The following EFCAB11 variants were observed in gnomAD, a reference collection of about 807,000 sequenced individuals.
EFCAB11 encodes EF-hand calcium-binding domain-containing protein 11.
Under a neutral mutation model 23.0 loss-of-function variants are expected in EFCAB11, and 14 were observed. That is an observed-to-expected ratio of 0.61 (90% CI 0.40 to 0.95). The LOEUF is 0.95. Among genes scored for constraint, EFCAB11 ranks in the 40% least tolerant of loss-of-function variants. EFCAB11 has a pLI of 0.00. For missense variants in EFCAB11, 198 were observed against 195.8 expected (o/e 1.01, Z -0.07); for synonymous variants, 65 against 66.6 (o/e 0.98, Z 0.11).
At chr14:89,932,317 T>C (rs1391019775) in intron 4 of EFCAB11, among the ~76,000 whole-genome samples, 1 of 152,168 alleles carries the variant, frequency 6.6e-6, no homozygotes, top group Non-Finnish European at 1.5e-5. Flanking sequence ...AGTACAACTA[T>C]ATAACTGTAA....
intron 5 of EFCAB11, among the ~76,000 whole-genome samples, chr14:89,917,092 G>A (rs1458791403): frequency 8.7e-6 from 1 of 114,806 alleles, no homozygotes; most frequent in Non-Finnish European, 1.6e-5. Flanking sequence ...GTGTGTGTGT[G>A]TGTGTATGTG....
chr14:89,885,427 C>G (rs1371426296), intron 5 of EFCAB11, among the ~76,000 whole-genome samples: 2 of 152,006 alleles, frequency 1.3e-5, no homozygotes, highest in African/African-American at 2.4e-5. Context: ...GCCTGTAATC[C>G]CAGCACTTTG....
At chr14:89,834,391 A>C (rs796121016) in intron 5 of EFCAB11, among the ~76,000 whole-genome samples, 9 of 149,876 alleles carry the variant, frequency 6.0e-5, no homozygotes, top group East Asian at 1.9e-4. Flanking sequence ...AAAAAAAAAA[A>C]AAAAAAAAAA....
chr14:89,948,660 A>G (rs1891059251), intron 3 of EFCAB11, among the ~76,000 whole-genome samples: 1 of 152,246 alleles, frequency 6.6e-6, no homozygotes, highest in Non-Finnish European at 1.5e-5. Flanking sequence ...TCAGCAATAA[A>G]AAAGAATGAG....
chr14:89,914,639 C>T (rs935835519), intron 5 of EFCAB11, among the ~76,000 whole-genome samples: 4 of 151,838 alleles, frequency 2.6e-5, no homozygotes, highest in African/African-American at 9.7e-5. Context: ...ACAAAAATTA[C>T]CCGGGCATGG....
chr14:89,921,402 G>C (rs1015317963), intron 5 of EFCAB11, among the ~76,000 whole-genome samples: 3 of 152,120 alleles, frequency 2.0e-5, no homozygotes, highest in Non-Finnish European at 4.4e-5. Context: ...TTGAAGTTAG[G>C]AAGTAACATA....
rs549457888 is a variant in EFCAB11, at chr14:89,834,171, T to C, written c.411-36847A>G. On this transcript the variant is annotated intron_variant, in intron 5 of 5. Coordinates refer to ENST00000316738, the MANE Select transcript of EFCAB11 (RefSeq NM_145231.4). Reference sequence around the variant, plus strand: ...AGATAGAGACCACAAGGTCAGGAGATAGAAACCATCCTGGCCGACGTGGTG... The same window carrying C: ...AGATAGAGACCACAAGGTCAGGAGACAGAAACCATCCTGGCCGACGTGGTG... Among the ~76,000 whole-genome samples the C allele has an allele frequency of 1.3e-3, 202 of 151,536 alleles. 1 individual carries two copies. Among genetic ancestry groups the C allele is most frequent in the African/African-American group, 4.8e-3 (198 of 41,352 alleles).
At chr14:89,944,178 G>A (rs1405786974) in intron 3 of EFCAB11, among the ~76,000 whole-genome samples, 1 of 152,184 alleles carries the variant, frequency 6.6e-6, no homozygotes, top group East Asian at 1.9e-4. Flanking sequence ...CACACGGCTG[G>A]GGAGCCCCCA....
At chr14:89,871,523 A>C (rs991332945) in intron 5 of EFCAB11, among the ~76,000 whole-genome samples, 4 of 152,118 alleles carry the variant, frequency 2.6e-5, no homozygotes, top group Admixed American at 6.6e-5. Flanking sequence ...CTGTGAATCC[A>C]CTGCAAGTCC....
At position 89,865,368 on chromosome 14, in the gene EFCAB11, C is replaced by T. The variant is rs191796842; in HGVS notation, c.410+66173G>A. 2.5e-3 allele frequency among the ~76,000 whole-genome samples: 377 copies of T among 152,156 alleles called. 1 individual carries two copies. The highest frequency in any genetic ancestry group is 8.6e-3 in the African/African-American group (356 of 41,512). ...TCATAAAGTTCATATAAGTCATATC[C>T]GACAGAGCCTCTCTTGAAATCAGGT... On this transcript the variant is annotated intron_variant, in intron 5 of 5. Transcript: ENST00000316738.
At chr14:89,797,761 G>A (rs1596369326) in intron 5 of EFCAB11, among the ~76,000 whole-genome samples, 1 of 152,178 alleles carries the variant, frequency 6.6e-6, no homozygotes, top group African/African-American at 2.4e-5. Context: ...GTGAAACCTT[G>A]TCTCTACTAA....
At chr14:89,914,978 A>C (rs1479313232) in intron 5 of EFCAB11, among the ~76,000 whole-genome samples, 1 of 151,968 alleles carries the variant, frequency 6.6e-6, no homozygotes, top group African/African-American at 2.4e-5. Flanking sequence ...GCCCCCGCCC[A>C]CACACACACA....
Position 89,797,163 on chromosome 14 carries a change from T to G in EFCAB11, c.*80A>C. 2 of 1,340,680 alleles carry G rather than the reference T, an allele frequency of 1.5e-6. No homozygotes were observed. Among genetic ancestry groups the G allele is most frequent in the East Asian group, 2.3e-5 (1 of 42,972 alleles). 83.0% of individuals were successfully genotyped at this position (1,340,680 alleles called of 1,614,324 possible). A position where few individuals can be genotyped will look rare whatever the true frequency, so the allele number is the denominator to read the frequency against. On this transcript the variant is annotated 3_prime_UTR_variant, in exon 6 of 6. Coordinates refer to ENST00000316738, the MANE Select transcript of EFCAB11 (RefSeq NM_145231.4). ...AATGTTTAATCACAAGTCTGTAGCA[T>G]GACATCATTAGTAGAGTCGAGTCTG...
Position 89,911,277 on chromosome 14 carries a change from G to T in EFCAB11, c.410+20264C>A, listed in dbSNP as rs575278975. Among the ~76,000 whole-genome samples the T allele has an allele frequency of 2.0e-3, 302 of 152,320 alleles. 1 individual carries two copies. Among genetic ancestry groups the T allele is most frequent in the African/African-American group, 6.9e-3 (286 of 41,576 alleles). ...CCGTGTGCCCTGGAGAACTGCCAAG[G>T]AGAGTGAATTTCAACAAAGAATGCT... On this transcript the variant is annotated intron_variant, in intron 5 of 5. Coordinates refer to ENST00000316738, the MANE Select transcript of EFCAB11 (RefSeq NM_145231.4).
rs145965276 is a variant in EFCAB11, at chr14:89,825,673, T to C, written c.411-28349A>G. ...AGTCATTAAAAATATCATAAGGAAA[T>C]AGTATATGTAATTTGTGCTAATAAT... On this transcript the variant is annotated intron_variant, in intron 5 of 5. Coordinates refer to ENST00000316738, the MANE Select transcript of EFCAB11 (RefSeq NM_145231.4). Among the ~76,000 whole-genome samples the C allele has an allele frequency of 6.0e-4, 91 of 152,040 alleles. 2 individuals are homozygous for C. In the East Asian group the frequency reaches 0.016, roughly 26 times the overall value.
chr14:89,918,674 T>C (rs1889928467), intron 5 of EFCAB11, among the ~76,000 whole-genome samples: 1 of 151,640 alleles, frequency 6.6e-6, no homozygotes, highest in Non-Finnish European at 1.5e-5. Context: ...CAAAGCACAG[T>C]AGTGGGAAAG....
rs1018029938 is a variant in EFCAB11 at position 89,874,271 on chromosome 14, G to C, written c.410+57270C>G. 2.6e-5 allele frequency among the ~76,000 whole-genome samples: 4 copies of C among 152,302 alleles called. No individual in the cohort carries two copies. In the South Asian group the frequency reaches 8.3e-4, roughly 32 times the overall value. On this transcript the variant is annotated intron_variant, in intron 5 of 5. Coordinates refer to ENST00000316738, the MANE Select transcript of EFCAB11 (RefSeq NM_145231.4). ...TGGGATGCAGGGCACCAAGTCCTGA[G>C]ACTGCACAAAGCAGCAAGGTCCTGG...
intron 3 of EFCAB11, among the ~76,000 whole-genome samples, chr14:89,938,690 G>A (rs377571310): frequency 3.3e-5 from 5 of 152,096 alleles, no homozygotes; most frequent in Admixed American, 2.6e-4. Flanking sequence ...GGGAGGCCAC[G>A]GCAGGCAGAT....
chr14:89,827,665 C>G (rs1279023349), intron 5 of EFCAB11, among the ~76,000 whole-genome samples: 1 of 107,568 alleles, frequency 9.3e-6, no homozygotes, highest in East Asian at 3.3e-4. Flanking sequence ...TGGAGTTTTG[C>G]TCTTGTCGCC....
Sources: gnomAD v4.1 joint callset for allele counts (sites outside exome capture counted in the v4.1 genomes callset) on GRCh38, gnomAD v4.1.1 for gene constraint, MANE v1.5 for transcripts, NCBI Gene and HGNC (gene_info 2026-07-23, HGNC 2026-07-21) for gene names.